Variants in H2BC14 observed in about 807,000 individuals in gnomAD.
H2BC14 encodes histone H2B type 1-M.
Under a neutral mutation model 6.3 loss-of-function variants are expected in H2BC14, and 17 were observed. The ratio of observed to expected loss-of-function variants is 2.70; its 90% confidence interval spans 1.84 to 4.04. The LOEUF is 4.04. H2BC14 is among the 30% of genes most tolerant of loss of function. H2BC14 has a pLI of 0.00. For missense variants in H2BC14, 235 were observed against 165.1 expected (o/e 1.42, Z -2.32); for synonymous variants, 131 against 69.0 (o/e 1.90, Z -4.45).
chr6:27,815,062 T>A lies in H2BC14; in HGVS notation c.19T>A (p.Ser7Thr), dbSNP rs1760638095. 1.2e-6 allele frequency: 2 copies of A among 1,611,624 alleles called. No homozygotes were observed. The highest frequency in any genetic ancestry group is 1.3e-5 in the African/African-American group (1 of 74,722). Residue 7 changes from serine to threonine, a missense_variant, in exon 1 of 1, where the codon TCT (serine) becomes ACT (threonine). By Grantham distance (58) the Ser-to-Thr change is moderately conservative. Transcript: ENST00000621112. ...TTCCACCATGCCTGAACCAGTCAAA[T>A]CTGCTCCAGTCCCTAAAAAAGGCTC... MPEPVK[S>T]APVPKKGSKK...
Position 27,815,245 on chromosome 6 carries a change from A to G in H2BC14, c.202A>G (p.Asn68Asp). The change falls in exon 1 of 1, where the codon AAC (asparagine) becomes GAC (aspartate). Residue 68 changes from asparagine to aspartate, a missense_variant. Transcript: ENST00000621112. Reference protein sequence around the residue: ...KAMGIMNSFVNDIFERIAGEA... With the variant: ...KAMGIMNSFVDDIFERIAGEA... ...TATGGGAATCATGAACTCCTTCGTC[A>G]ACGACATCTTTGAGCGTATCGCCGG... 6.2e-7 allele frequency: 1 copy of G among 1,614,214 alleles called. No homozygotes were observed. Among genetic ancestry groups the G allele is most frequent in the Non-Finnish European group, 8.5e-7 (1 of 1,180,034 alleles).
In H2BC14 at chr6:27,815,107, G is replaced by C. The variant is rs145724833; in HGVS notation, c.64G>C (p.Ala22Pro). Residue 22 changes from alanine (A) to proline (P), a missense_variant, in exon 1 of 1, where the codon GCT becomes CCT. Transcript: ENST00000621112. ...KKGSKKAINKAQKKDGKKRKR... is the reference protein window; with the variant it reads ...KKGSKKAINKPQKKDGKKRKR... ...AGGCTCCAAGAAGGCCATTAACAAG[G>C]CTCAGAAGAAGGATGGAAAGAAGCG... The C allele has an allele frequency of 6.2e-7, 1 of 1,614,132 alleles. No individual in the cohort carries two copies. The highest frequency in any genetic ancestry group is 1.3e-5 in the African/African-American group (1 of 75,034).
Position 27,815,433 on chromosome 6 carries a change from C to T in H2BC14, c.*9C>T. ...ATACCAGCTCCAAGTGAGCCTCTCG[C>T]TGCAGTAACAGTTCCGCCGTGACCC... On this transcript the variant is annotated 3_prime_UTR_variant, in exon 1 of 1. Coordinates refer to ENST00000621112, the MANE Select transcript of H2BC14 (RefSeq NM_003521.3). The T allele has an allele frequency of 1.2e-6, 2 of 1,613,208 alleles. No individual in the cohort carries two copies. Among genetic ancestry groups the T allele is most frequent in the South Asian group, 1.1e-5 (1 of 91,054 alleles).
rs1244707797 is a variant in H2BC14 at position 27,815,122 on chromosome 6, G to T, written c.79G>T (p.Gly27Ter). The part of the protein sequence containing the change: ...KAINKAQKKD[G>*]KKRKRSRKES... Reference sequence around the variant, plus strand: ...CATTAACAAGGCTCAGAAGAAGGATGGAAAGAAGCGCAAACGCAGCCGCAA... The same window carrying T: ...CATTAACAAGGCTCAGAAGAAGGATTGAAAGAAGCGCAAACGCAGCCGCAA... The change falls in exon 1 of 1, where the codon GGA (glycine) becomes TGA (stop). Residue 27 changes from glycine to a stop codon, truncating the protein, a stop_gained. Transcript: ENST00000621112. LOFTEE classifies it high-confidence loss of function. 2 of 1,614,216 alleles carry T rather than the reference G, an allele frequency of 1.2e-6. No individual in the cohort carries two copies. The highest frequency in any genetic ancestry group is 1.7e-5 in the Admixed American group (1 of 60,028).
Position 27,815,266 on chromosome 6 carries a change from G to A in H2BC14, c.223G>A (p.Ala75Thr). The A allele has an allele frequency of 1.9e-6, 3 of 1,614,210 alleles. No homozygotes were observed. The highest frequency in any genetic ancestry group is 2.5e-6 in the Non-Finnish European group (3 of 1,180,044). ...CGTCAACGACATCTTTGAGCGTATC[G>A]CCGGAGAAGCGTCACGCCTGGCGCA... ...SFVNDIFERI[A>T]GEASRLAHYN... The change falls in exon 1 of 1, where the codon GCC becomes ACC. Residue 75 changes from alanine to threonine, a missense_variant. Coordinates refer to ENST00000621112, the MANE Select transcript of H2BC14 (RefSeq NM_003521.3).
Position 27,815,175 on chromosome 6 carries a change from G to A in H2BC14, c.132G>A (p.Lys44=), listed in dbSNP as rs368983625. 1.7e-5 allele frequency: 28 copies of A among 1,614,114 alleles called. No individual in the cohort carries two copies. Among genetic ancestry groups the A allele is most frequent in the Middle Eastern group, 3.3e-4 (2 of 6,084 alleles). Residue 44 remains lysine (K), a synonymous_variant, in exon 1 of 1, where the codon AAG becomes AAA. Coordinates refer to ENST00000621112, the MANE Select transcript of H2BC14 (RefSeq NM_003521.3). ...AGAGCTACTCTGTGTATGTGTACAA[G>A]GTGCTGAAGCAGGTCCACCCCGACA... is the stretch of plus-strand genomic sequence containing the variant. ...RKESYSVYVY[K]VLKQVHPDTG...
Position 27,815,043 on chromosome 6 carries a change from C to T in H2BC14, c.-1C>T, listed in dbSNP as rs1205754776. 6.9e-6 allele frequency: 11 copies of T among 1,583,440 alleles called. No homozygotes were observed. Among genetic ancestry groups the T allele is most frequent in the East Asian group, 2.2e-5 (1 of 44,704 alleles). On this transcript the variant is annotated 5_prime_UTR_variant, in exon 1 of 1. Coordinates refer to ENST00000621112, the MANE Select transcript of H2BC14 (RefSeq NM_003521.3). ...GGTTGTCTTTTATTTTGTTTTCCAC[C>T]ATGCCTGAACCAGTCAAATCTGCTC...
Position 27,815,190 on chromosome 6 carries a change from C to G in H2BC14, c.147C>G (p.Val49=), listed in dbSNP as rs765646942. 8 of 1,614,110 alleles carry G rather than the reference C, an allele frequency of 5.0e-6. No individual in the cohort carries two copies. The highest frequency in any genetic ancestry group is 6.8e-6 in the Non-Finnish European group (8 of 1,180,056). ...SVYVYKVLKQ[V]HPDTGISSKA... ...ATGTGTACAAGGTGCTGAAGCAGGTCCACCCCGACACCGGCATCTCTTCCA... is the reference window on the plus strand; with the variant it reads ...ATGTGTACAAGGTGCTGAAGCAGGTGCACCCCGACACCGGCATCTCTTCCA... The change falls in exon 1 of 1, where the codon GTC becomes GTG. Residue 49 remains valine, a synonymous_variant. Transcript: ENST00000621112.
In H2BC14 at chr6:27,815,334, G is replaced by C; in HGVS notation, c.291G>C (p.Thr97=). Residue 97 remains threonine, a synonymous_variant, in exon 1 of 1, where the codon ACG becomes ACC. Coordinates refer to ENST00000621112, the MANE Select transcript of H2BC14 (RefSeq NM_003521.3). ...RSTITSREIQ[T]AVRLLLPGEL... ...CCATCACTTCGAGGGAGATCCAGAC[G>C]GCCGTGCGCCTACTGCTACCCGGGG... The C allele has an allele frequency of 6.2e-7, 1 of 1,614,218 alleles. No homozygotes were observed. The highest frequency in any genetic ancestry group is 8.5e-7 in the Non-Finnish European group (1 of 1,180,044).
At position 27,815,251 on chromosome 6, in the gene H2BC14, A is replaced by G; in HGVS notation, c.208A>G (p.Ile70Val). 2 of 1,614,224 alleles carry G rather than the reference A, an allele frequency of 1.2e-6. No individual in the cohort carries two copies. Among genetic ancestry groups the G allele is most frequent in the African/African-American group, 2.7e-5 (2 of 75,058 alleles). The change falls in exon 1 of 1, where the codon ATC (isoleucine) becomes GTC (valine). Residue 70 changes from isoleucine (I) to valine (V), a missense_variant. Coordinates refer to ENST00000621112, the MANE Select transcript of H2BC14 (RefSeq NM_003521.3). ...MGIMNSFVND[I>V]FERIAGEASR... is the part of the protein sequence containing the mutation. ...AATCATGAACTCCTTCGTCAACGACATCTTTGAGCGTATCGCCGGAGAAGC... is the reference window on the plus strand; with the variant it reads ...AATCATGAACTCCTTCGTCAACGACGTCTTTGAGCGTATCGCCGGAGAAGC...
Position 27,815,142 on chromosome 6 carries a change from C to T in H2BC14, c.99C>T (p.Ser33=), listed in dbSNP as rs1760641802. 2 of 1,614,228 alleles carry T rather than the reference C, an allele frequency of 1.2e-6. No individual in the cohort carries two copies. The highest frequency in any genetic ancestry group is 1.7e-6 in the Non-Finnish European group (2 of 1,180,034). ...QKKDGKKRKR[S]RKESYSVYVY... is the part of the protein sequence containing the mutation. The stretch of plus-strand genomic sequence containing the variant: ...AGGATGGAAAGAAGCGCAAACGCAG[C>T]CGCAAGGAGAGCTACTCTGTGTATG... Residue 33 remains serine, a synonymous_variant, in exon 1 of 1, where the codon AGC becomes AGT. Coordinates refer to ENST00000621112, the MANE Select transcript of H2BC14 (RefSeq NM_003521.3).
In H2BC14 at chr6:27,815,054, C is replaced by T. The variant is rs758638655; in HGVS notation, c.11C>T (p.Pro4Leu). 8.7e-6 allele frequency: 14 copies of T among 1,606,466 alleles called. No homozygotes were observed. In the South Asian group the frequency reaches 1.3e-4, roughly 15 times the overall value. The change falls in exon 1 of 1, where the codon CCA becomes CTA. Residue 4 changes from proline (P) to leucine (L), a missense_variant. By Grantham distance (98) the Pro-to-Leu change is moderately conservative. Coordinates refer to ENST00000621112, the MANE Select transcript of H2BC14 (RefSeq NM_003521.3). Reference sequence around the variant, plus strand: ...ATTTTGTTTTCCACCATGCCTGAACCAGTCAAATCTGCTCCAGTCCCTAAA... The same window carrying T: ...ATTTTGTTTTCCACCATGCCTGAACTAGTCAAATCTGCTCCAGTCCCTAAA... The part of the protein sequence containing the change: MPE[P>L]VKSAPVPKKG...
Position 27,815,450 on chromosome 6 carries a change from C to T in H2BC14, c.*26C>T, listed in dbSNP as rs1216411583. 2 of 1,611,778 alleles carry T rather than the reference C, an allele frequency of 1.2e-6. No homozygotes were observed. The highest frequency in any genetic ancestry group is 1.7e-6 in the Non-Finnish European group (2 of 1,179,176). ...GCCTCTCGCTGCAGTAACAGTTCCG[C>T]CGTGACCCACACCCCAAAGGCTCTT... On this transcript the variant is annotated 3_prime_UTR_variant, in exon 1 of 1. Transcript: ENST00000621112.
At position 27,815,430 on chromosome 6, in the gene H2BC14, T is replaced by C; in HGVS notation, c.*6T>C. 1 of 1,613,180 alleles carries C rather than the reference T, an allele frequency of 6.2e-7. No individual in the cohort carries two copies. Among genetic ancestry groups the C allele is most frequent in the Non-Finnish European group, 8.5e-7 (1 of 1,179,600 alleles). ...AGTATACCAGCTCCAAGTGAGCCTC[T>C]CGCTGCAGTAACAGTTCCGCCGTGA... is the stretch of plus-strand genomic sequence containing the variant. On this transcript the variant is annotated 3_prime_UTR_variant, in exon 1 of 1. Transcript: ENST00000621112.
At position 27,815,076 on chromosome 6, in the gene H2BC14, T is replaced by TA. The variant is rs755914239; in HGVS notation, c.39dup (p.Gly14ArgfsTer7). 3.1e-6 allele frequency: 5 copies of TA among 1,613,020 alleles called. No homozygotes were observed. The highest frequency in any genetic ancestry group is 4.2e-6 in the Non-Finnish European group (5 of 1,179,562). ...AACCAGTCAAATCTGCTCCAGTCCC[T>TA]AAAAAAGGCTCCAAGAAGGCCATTA... On this transcript the variant is annotated frameshift_variant, in exon 1 of 1. Transcript: ENST00000621112. LOFTEE classifies it high-confidence loss of function.
rs1246526080 is a variant in H2BC14 at position 27,815,193 on chromosome 6, C to T, written c.150C>T (p.His50=). The change falls in exon 1 of 1, where the codon CAC becomes CAT. Residue 50 remains histidine, a synonymous_variant. Transcript: ENST00000621112. ...VYVYKVLKQV[H]PDTGISSKAM... is the part of the protein sequence containing the mutation. ...TGTACAAGGTGCTGAAGCAGGTCCA[C>T]CCCGACACCGGCATCTCTTCCAAGG... The T allele has an allele frequency of 8.7e-6, 14 of 1,614,124 alleles. No homozygotes were observed. Among genetic ancestry groups the T allele is most frequent in the Admixed American group, 5.0e-5 (3 of 60,010 alleles).
Position 27,815,470 on chromosome 6 carries a change from G to T in H2BC14, c.*46G>T. The T allele has an allele frequency of 1.2e-6, 2 of 1,602,080 alleles. No homozygotes were observed. The highest frequency in any genetic ancestry group is 1.7e-6 in the Non-Finnish European group (2 of 1,175,514). On this transcript the variant is annotated 3_prime_UTR_variant, in exon 1 of 1. Coordinates refer to ENST00000621112, the MANE Select transcript of H2BC14 (RefSeq NM_003521.3). ...TTCCGCCGTGACCCACACCCCAAAGGCTCTTTTCAGAGCCGTCCACGTTTC... is the reference window on the plus strand; with the variant it reads ...TTCCGCCGTGACCCACACCCCAAAGTCTCTTTTCAGAGCCGTCCACGTTTC...
rs1471566794 is a variant in H2BC14, at chr6:27,815,162, T to C, written c.119T>C (p.Val40Ala). Residue 40 changes from valine to alanine, a missense_variant, in exon 1 of 1, where the codon GTG (valine) becomes GCG (alanine). Transcript: ENST00000621112. ...RKRSRKESYS[V>A]YVYKVLKQVH... ...CGCAGCCGCAAGGAGAGCTACTCTG[T>C]GTATGTGTACAAGGTGCTGAAGCAG... 1 of 1,614,206 alleles carries C rather than the reference T, an allele frequency of 6.2e-7. No homozygotes were observed. Among genetic ancestry groups the C allele is most frequent in the Non-Finnish European group, 8.5e-7 (1 of 1,180,032 alleles).
chr6:27,815,221 A>G lies in H2BC14; in HGVS notation c.178A>G (p.Met60Val), dbSNP rs768704818. ...HPDTGISSKAMGIMNSFVNDI... is the reference protein window; with the variant it reads ...HPDTGISSKAVGIMNSFVNDI... ...CGACACCGGCATCTCTTCCAAGGCT[A>G]TGGGAATCATGAACTCCTTCGTCAA... is the stretch of plus-strand genomic sequence containing the variant. Residue 60 changes from methionine (M) to valine (V), a missense_variant, in exon 1 of 1, where the codon ATG becomes GTG. Physicochemically the swap from Met to Val is conservative, Grantham distance 21. Coordinates refer to ENST00000621112, the MANE Select transcript of H2BC14 (RefSeq NM_003521.3). 5 of 1,614,124 alleles carry G rather than the reference A, an allele frequency of 3.1e-6. No individual in the cohort carries two copies. Among genetic ancestry groups the G allele is most frequent in the East Asian group, 2.2e-5 (1 of 44,894 alleles).
Sources: allele counts gnomAD v4.1 joint callset, GRCh38; gene constraint gnomAD v4.1.1; transcripts MANE v1.5; gene names NCBI Gene and HGNC (gene_info 2026-07-23, HGNC 2026-07-21).